Variants in MAGI2 observed in about 807,000 individuals in gnomAD.
The protein encoded by MAGI2 is membrane-associated guanylate kinase, WW and PDZ domain-containing protein 2.
A neutral mutation model predicts 133.3 loss-of-function variants in MAGI2; 35 were observed. The ratio of observed to expected loss-of-function variants is 0.26; its 90% CI spans 0.20 to 0.35. The LOEUF (loss-of-function observed/expected upper bound fraction) is 0.35. MAGI2 is among the 10% of genes least tolerant of loss of function. The probability of loss-of-function intolerance (pLI) is 1.00; values close to 1 mark genes in which losing one functional copy is unlikely to be tolerated. For synonymous variants in MAGI2, 729 were observed against 710.6 expected (o/e 1.03, Z -0.41); for missense variants, 1,636 against 1,863.4 (o/e 0.88, Z 2.25).
chr7:78,768,076 A>G (rs2151313526), intron 2 of MAGI2, among the ~76,000 whole-genome samples: 1 of 152,286 alleles, frequency 6.6e-6, no homozygotes, highest in South Asian at 2.1e-4. Context: ...TAAGATTGTG[A>G]TTCTTTTATA....
chr7:78,730,638 A>G lies in MAGI2; in HGVS notation c.419-103399T>C, dbSNP rs1821279307. On this transcript the variant is annotated intron_variant, in intron 2 of 21. Coordinates refer to ENST00000354212, the MANE Select transcript of MAGI2 (RefSeq NM_012301.4). Reference sequence around the variant, plus strand: ...GCTAAGTTCAATAATAAATGGTCACATGAATGAGGCCACATGTATTCCACG... The same window carrying G: ...GCTAAGTTCAATAATAAATGGTCACGTGAATGAGGCCACATGTATTCCACG... 2.0e-5 allele frequency among the ~76,000 whole-genome samples: 3 copies of G among 152,208 alleles called. No individual in the cohort carries two copies. In the South Asian group the frequency reaches 6.2e-4, roughly 32 times the overall value.
intron 1 of MAGI2, among the ~76,000 whole-genome samples, chr7:79,278,425 AC>A (rs1414223252): frequency 1.3e-5 from 2 of 151,978 alleles, no homozygotes; most frequent in African/African-American, 2.4e-5. Context: ...TAACACACTC[AC>A]CCCATTGTTT....
chr7:78,698,462 A>G lies in MAGI2; in HGVS notation c.419-71223T>C, dbSNP rs1817733256. The stretch of plus-strand genomic sequence containing the variant: ...GGTGATGCCACTGTGCTGCTTAGTT[A>G]CCCTGAATACATTATCTTTTCACTG... On this transcript the variant is annotated intron_variant, in intron 2 of 21. Coordinates refer to ENST00000354212, the MANE Select transcript of MAGI2 (RefSeq NM_012301.4). 1.3e-5 allele frequency among the ~76,000 whole-genome samples: 2 copies of G among 152,174 alleles called. 1 individual carries two copies. The highest frequency in any genetic ancestry group is 4.1e-4 in the South Asian group (2 of 4,832).
At chr7:79,171,111 A>C (rs1260541566) in intron 1 of MAGI2, among the ~76,000 whole-genome samples, 1 of 152,114 alleles carries the variant, frequency 6.6e-6, no homozygotes, top group African/African-American at 2.4e-5. Flanking sequence ...AGTACCATAA[A>C]CTGGGTGGCT....
At chr7:79,351,437 T>G (rs996644235) in intron 1 of MAGI2, among the ~76,000 whole-genome samples, 9 of 152,152 alleles carry the variant, frequency 5.9e-5, no homozygotes, top group African/African-American at 1.9e-4. Context: ...ATGTTGGGAC[T>G]TCAATGAAAA....
At chr7:78,336,011 T>A (rs2151164606) in intron 9 of MAGI2, among the ~76,000 whole-genome samples, 1 of 152,296 alleles carries the variant, frequency 6.6e-6, no homozygotes, top group Admixed American at 6.5e-5. Context: ...TCAAGACAAC[T>A]GTATAAGTGT....
intron 10 of MAGI2, among the ~76,000 whole-genome samples, chr7:78,247,034 C>T (rs80130209): frequency 0.015 from 2,210 of 152,258 alleles, 45 homozygotes; most frequent in African/African-American, 0.05. Context: ...TCTTGAACCC[C>T]GGACCTCAGT....
chr7:78,601,199 C>T (rs983552471), intron 3 of MAGI2, among the ~76,000 whole-genome samples: 3 of 152,066 alleles, frequency 2.0e-5, no homozygotes, highest in African/African-American at 7.2e-5. Context: ...ATGTGCCACA[C>T]ACTATTCTAG....
chr7:79,164,006 T>C (rs1284529323), intron 1 of MAGI2, among the ~76,000 whole-genome samples: 2 of 152,004 alleles, frequency 1.3e-5, no homozygotes, highest in East Asian at 3.9e-4. Flanking sequence ...TCAGGGCATG[T>C]CCTCCTGCCA....
At chr7:78,379,825 C>A (rs894064567) in intron 6 of MAGI2, among the ~76,000 whole-genome samples, 52 of 151,860 alleles carry the variant, frequency 3.4e-4, no homozygotes, top group Non-Finnish European at 1.2e-4. Context: ...TTCCATGAAG[C>A]AGAAATAGTG....
rs1791309871 is a variant in MAGI2 at position 78,242,933 on chromosome 7, A to C, written c.2047+13010T>G. 2.0e-5 allele frequency among the ~76,000 whole-genome samples: 3 copies of C among 152,052 alleles called. No homozygotes were observed. The South Asian group carries it at 6.2e-4, about 32-fold the overall frequency. On this transcript the variant is annotated intron_variant, in intron 10 of 21. Coordinates refer to ENST00000354212, the MANE Select transcript of MAGI2 (RefSeq NM_012301.4). ...CAAAAAATACAAAAATTAGCCAGGC[A>C]TGGTGCCATATGCCTGTGGTCCCAG...
At chr7:78,617,406 T>A (rs2150928696) in intron 3 of MAGI2, 1 of 152,234 alleles carries the variant, frequency 6.6e-6, no homozygotes, top group South Asian at 2.1e-4. Flanking sequence ...TGCAGCCATC[T>A]TATGTGGACA....
rs144164557 is a variant in MAGI2 at position 78,912,818 on chromosome 7, C to CAT, written c.418+94270_418+94271dup. Among the ~76,000 whole-genome samples, 355 of 133,336 alleles carry CAT rather than the reference C, an allele frequency of 2.7e-3. 1 individual carries two copies. Among genetic ancestry groups the CAT allele is most frequent in the Middle Eastern group, 7.6e-3 (2 of 264 alleles). 87.5% of individuals were successfully genotyped at this position (133,336 alleles called of 152,430 possible). On this transcript the variant is annotated intron_variant, in intron 2 of 21. Transcript: ENST00000354212. ...ATCATTCATATATATATATATCATT[C>CAT]ATATATATATATATATTCCACTTCA... is the stretch of plus-strand genomic sequence containing the variant.
chr7:78,876,863 T>A (rs1465968839), intron 2 of MAGI2, among the ~76,000 whole-genome samples: 1 of 152,244 alleles, frequency 6.6e-6, no homozygotes, highest in Non-Finnish European at 1.5e-5. Context: ...AAATCTTTTG[T>A]ACATATGTTT....
intron 6 of MAGI2, among the ~76,000 whole-genome samples, chr7:78,442,161 C>T (rs1787694218): frequency 6.6e-6 from 1 of 152,180 alleles, no homozygotes; most frequent in African/African-American, 2.4e-5. Flanking sequence ...AGCAGGACTC[C>T]ATTTCACCTT....
In MAGI2 at chr7:78,168,107, A is replaced by G; in HGVS notation, c.2405T>C (p.Ile802Thr). The G allele has an allele frequency of 6.2e-7, 1 of 1,612,808 alleles. No homozygotes were observed. The highest frequency in any genetic ancestry group is 8.5e-7 in the Non-Finnish European group (1 of 1,179,392). Reference sequence around the variant, plus strand: ...CATGGCAATGACAGCTCCAATCAAAATCTAGAGAAGCAGTGAGAAGGAAAG... The same window carrying G: ...CATGGCAATGACAGCTCCAATCAAAGTCTAGAGAAGCAGTGAGAAGGAAAG... ...ILGGDEPGQP[I>T]LIGAVIAMGS... The change falls in exon 15 of 22, where the codon ATT becomes ACT. Residue 802 changes from isoleucine to threonine, a missense_variant and splice_region_variant. Ile to Thr is a moderately conservative substitution (Grantham distance 89, BLOSUM62 -1). This residue lies in a region of MAGI2 where 920 missense variants were observed against 1,093.5 expected (regional missense o/e 0.84). Coordinates refer to ENST00000354212, the MANE Select transcript of MAGI2 (RefSeq NM_012301.4).
intron 20 of MAGI2, among the ~76,000 whole-genome samples, chr7:78,083,381 A>AGC (rs1816212224): frequency 5.1e-5 from 1 of 19,474 alleles, no homozygotes; most frequent in Non-Finnish European, 9.9e-5. Context: ...GGAGGGAGGG[A>AGC]GGGGGGGAGA....
intron 2 of MAGI2, among the ~76,000 whole-genome samples, chr7:78,833,591 G>T (rs1030421169): frequency 6.6e-6 from 1 of 152,154 alleles, no homozygotes; most frequent in Non-Finnish European, 1.5e-5. Context: ...TGCCTTTGAC[G>T]GCAAAGTGGG....
chr7:78,836,116 T>C (rs1010727821), intron 2 of MAGI2, among the ~76,000 whole-genome samples: 11 of 152,222 alleles, frequency 7.2e-5, no homozygotes, highest in Middle Eastern at 3.2e-3. Context: ...TTAATAGATG[T>C]GTTGGTAACT....
Sources: gnomAD v4.1 joint callset for allele counts (sites outside exome capture counted in the v4.1 genomes callset) on GRCh38, gnomAD v4.1.1 for gene constraint, gnomAD v4.1.1 regional missense constraint, MANE v1.5 for transcripts, NCBI Gene and HGNC (gene_info 2026-07-23, HGNC 2026-07-21) for gene names.